Variants in PRKG1 observed in about 807,000 individuals in gnomAD.
PRKG1 encodes cGMP-dependent protein kinase 1.
PRKG1 carries 35 observed loss-of-function variants against 88.1 expected under a neutral mutation model. That is an observed-to-expected ratio of 0.40 (90% CI 0.30 to 0.53). The LOEUF (loss-of-function observed/expected upper bound fraction) is 0.53. Among genes scored for constraint, PRKG1 ranks in the 20% least tolerant of loss-of-function variants. The probability of loss-of-function intolerance (pLI) is 0.59; values close to 1 mark genes in which losing one functional copy is unlikely to be tolerated. For missense variants in PRKG1, 540 were observed against 839.8 expected, an observed-to-expected ratio of 0.64 and a Z score of 4.41; for synonymous variants, 303 against 292.5, an observed-to-expected ratio of 1.04 and a Z score of -0.37.
intron 3 of PRKG1, among the ~76,000 whole-genome samples, chr10:51,584,973 A>T (rs899148343): frequency 1.4e-4 from 21 of 152,132 alleles, no homozygotes; most frequent in African/African-American, 4.3e-4. Flanking sequence ...TTCCTTTATG[A>T]TTTACCCCCG....
chr10:51,897,866 G>T (rs1841889229), intron 4 of PRKG1, among the ~76,000 whole-genome samples: 1 of 149,304 alleles, frequency 6.7e-6, no homozygotes, highest in Admixed American at 6.6e-5. Flanking sequence ...CTGGCAGAAG[G>T]ATTTTTTTTT....
At chr10:52,194,789 C>G (rs971033748) in intron 9 of PRKG1, among the ~76,000 whole-genome samples, 3 of 152,042 alleles carry the variant, frequency 2.0e-5, no homozygotes, top group African/African-American at 7.2e-5. Flanking sequence ...AAGCTATATC[C>G]AGGTAATGAC....
chr10:51,145,127 A>G (rs1232595387), intron 1 of PRKG1, among the ~76,000 whole-genome samples: 3 of 152,138 alleles, frequency 2.0e-5, no homozygotes, highest in Non-Finnish European at 4.4e-5. Context: ...TGGTGGTGTG[A>G]GTTGCTGGGT....
chr10:51,891,462 A>G lies in PRKG1; in HGVS notation c.699-16045A>G, dbSNP rs1028856460. 3.9e-5 allele frequency among the ~76,000 whole-genome samples: 6 copies of G among 152,308 alleles called. No homozygotes were observed. In the South Asian group the frequency reaches 8.3e-4, roughly 21 times the overall value. Reference sequence around the variant, plus strand: ...ACTTTGACTATATGACCTGAGTTAAATATTCCATCTCTCCCATTTTATTAA... The same window carrying G: ...ACTTTGACTATATGACCTGAGTTAAGTATTCCATCTCTCCCATTTTATTAA... On this transcript the variant is annotated intron_variant, in intron 4 of 17. Coordinates refer to ENST00000373980, the MANE Select transcript of PRKG1 (RefSeq NM_006258.4).
intron 3 of PRKG1, among the ~76,000 whole-genome samples, chr10:51,598,410 A>C (rs1838511822): frequency 6.6e-6 from 1 of 152,178 alleles, no homozygotes. Flanking sequence ...AGTAGCTAGG[A>C]CTACAGGTGC....
intron 1 of PRKG1, among the ~76,000 whole-genome samples, chr10:51,094,177 G>A (rs1844467603): frequency 6.6e-6 from 1 of 151,422 alleles, no homozygotes. Flanking sequence ...TAGTATCTAG[G>A]GCATAGAAAA....
chr10:52,078,234 A>G (rs1443046128), intron 7 of PRKG1, among the ~76,000 whole-genome samples: 5 of 152,230 alleles, frequency 3.3e-5, no homozygotes, highest in Non-Finnish European at 5.9e-5. Context: ...TTTACATTGT[A>G]TTACCAAACA....
At chr10:51,991,675 C>A (rs951254414) in intron 5 of PRKG1, among the ~76,000 whole-genome samples, 3 of 152,152 alleles carry the variant, frequency 2.0e-5, no homozygotes, top group Admixed American at 1.3e-4. Context: ...ATGATGGTTT[C>A]CAGCTTCATC....
intron 9 of PRKG1, among the ~76,000 whole-genome samples, chr10:52,221,508 AT>A (rs1840244779): frequency 6.6e-6 from 1 of 152,090 alleles, no homozygotes; most frequent in Admixed American, 6.6e-5. Context: ...ATGGTACTTA[AT>A]TTTTTGCATA....
chr10:51,504,544 C>G (rs966962954), intron 3 of PRKG1, among the ~76,000 whole-genome samples: 4 of 152,132 alleles, frequency 2.6e-5, no homozygotes, highest in African/African-American at 7.2e-5. Flanking sequence ...GGCATTGAAT[C>G]TATAAATTAC....
chr10:52,077,348 TTCTA>T (rs67302871), intron 7 of PRKG1, among the ~76,000 whole-genome samples: 6,708 of 152,290 alleles, frequency 0.044, 154 homozygotes, highest in Middle Eastern at 0.061. Flanking sequence ...TGCTGTATAA[TTCTA>T]TCTATCTAAG....
At chr10:51,767,469 T>A (rs1009846066) in intron 3 of PRKG1, among the ~76,000 whole-genome samples, 1 of 152,156 alleles carries the variant, frequency 6.6e-6, no homozygotes, top group Admixed American at 6.6e-5. Context: ...TTCAGTAGAC[T>A]TTTTAGTCTC....
At chr10:52,073,377 G>A (rs1368450622) in intron 7 of PRKG1, among the ~76,000 whole-genome samples, 8 of 152,200 alleles carry the variant, frequency 5.3e-5, no homozygotes, top group Admixed American at 1.3e-4. Flanking sequence ...AGCAAATCGC[G>A]TCATGCCACT....
At chr10:52,029,853 A>G (rs1589535567) in intron 5 of PRKG1, among the ~76,000 whole-genome samples, 1 of 152,142 alleles carries the variant, frequency 6.6e-6, no homozygotes, top group Non-Finnish European at 1.5e-5. Flanking sequence ...ACATGTGGAC[A>G]GTACATATCC....
intron 1 of PRKG1, among the ~76,000 whole-genome samples, chr10:51,077,177 C>T (rs1564590678): frequency 6.6e-6 from 1 of 152,150 alleles, no homozygotes; most frequent in Non-Finnish European, 1.5e-5. Context: ...TTAAGAAAAC[C>T]TGCCAAACCA....
chr10:52,036,254 T>A (rs1232062863), intron 5 of PRKG1, among the ~76,000 whole-genome samples: 1 of 151,842 alleles, frequency 6.6e-6, no homozygotes, highest in East Asian at 1.9e-4. Context: ...ATGTTTGAGA[T>A]CTAGAACAGA....
chr10:52,244,148 G>C (rs926616781), intron 9 of PRKG1, among the ~76,000 whole-genome samples: 5 of 152,042 alleles, frequency 3.3e-5, no homozygotes, highest in Non-Finnish European at 5.9e-5. Flanking sequence ...TGTACAACAA[G>C]AATACATTAG....
In PRKG1 at chr10:51,463,571, A is replaced by C. The variant is rs573608229; in HGVS notation, c.479-4152A>C. Among the ~76,000 whole-genome samples the C allele has an allele frequency of 4.6e-5, 7 of 152,360 alleles. No homozygotes were observed. In the South Asian group the frequency reaches 1.4e-3, roughly 32 times the overall value. On this transcript the variant is annotated intron_variant, in intron 2 of 17. Coordinates refer to ENST00000373980, the MANE Select transcript of PRKG1 (RefSeq NM_006258.4). ...ATGACTACCTTAATACTTTAAAGGAAGAAAGGAAGTTGATTAGGTGAGATT... is the reference window on the plus strand; with the variant it reads ...ATGACTACCTTAATACTTTAAAGGACGAAAGGAAGTTGATTAGGTGAGATT...
At chr10:51,515,059 G>A (rs1841537607) in intron 3 of PRKG1, among the ~76,000 whole-genome samples, 1 of 152,020 alleles carries the variant, frequency 6.6e-6, no homozygotes, top group Admixed American at 6.6e-5. Flanking sequence ...AATGCTTCCT[G>A]GGAAGTAAAA....
Sources: allele counts gnomAD v4.1 joint callset (sites outside exome capture counted in the v4.1 genomes callset), GRCh38; gene constraint gnomAD v4.1.1; transcripts MANE v1.5; gene names NCBI Gene and HGNC (gene_info 2026-07-23, HGNC 2026-07-21).